Variants in PCDH15 observed in about 807,000 individuals in gnomAD.
The protein encoded by PCDH15 is protocadherin-15.
In PCDH15, 129 loss-of-function variants were observed where a neutral mutation model predicts 178.5. The ratio of observed to expected loss-of-function variants is 0.72; its 90% CI spans 0.63 to 0.84. The LOEUF (loss-of-function observed/expected upper bound fraction) is 0.84, where lower values mean the gene tolerates loss of function less well. PCDH15 is among the 40% of genes least tolerant of loss of function. PCDH15 has a pLI of 0.00. For synonymous variants in PCDH15, 800 were observed against 732.0 expected, an observed-to-expected ratio of 1.09 and a Z score of -1.50; for missense variants, 2,230 against 2,099.9, an observed-to-expected ratio of 1.06 and a Z score of -1.21.
At chr10:54,899,440 G>A (rs1048589736) in intron 2 of PCDH15, among the ~76,000 whole-genome samples, 1 of 151,448 alleles carries the variant, frequency 6.6e-6, no homozygotes, top group African/African-American at 2.4e-5. Flanking sequence ...TTTACTTCAT[G>A]ATCATGATTA....
At chr10:54,433,558 G>A (rs1293325165) in intron 3 of PCDH15, among the ~76,000 whole-genome samples, 1 of 152,140 alleles carries the variant, frequency 6.6e-6, no homozygotes, top group African/African-American at 2.4e-5. Context: ...TGGAAGGGTA[G>A]TTGGGGGTGG....
rs979720632 is a variant in PCDH15 at position 53,836,914 on chromosome 10, T to C, written c.3983+3406A>G. 2.6e-5 allele frequency among the ~76,000 whole-genome samples: 4 copies of C among 152,092 alleles called. No homozygotes were observed. The South Asian group carries it at 6.2e-4, about 24-fold the overall frequency. On this transcript the variant is annotated intron_variant, in intron 29 of 37. Coordinates refer to ENST00000644397, the MANE Select transcript of PCDH15 (RefSeq NM_001384140.1). ...TGCCTGAAGCGATGGAGAAATTCAG[T>C]AGAGTGGTGGAAATAAGAAATAATC... is the stretch of plus-strand genomic sequence containing the variant.
At chr10:55,337,865 A>G (rs1844438307) in intron 2 of PCDH15, among the ~76,000 whole-genome samples, 1 of 152,162 alleles carries the variant, frequency 6.6e-6, no homozygotes, top group Admixed American at 6.6e-5. Flanking sequence ...TTAACGAAAT[A>G]TAGAGACAAT....
intron 1 of PCDH15, among the ~76,000 whole-genome samples, chr10:55,288,010 T>A (rs1842914429): frequency 6.6e-6 from 1 of 151,224 alleles, no homozygotes; most frequent in Non-Finnish European, 1.5e-5. Context: ...AAATGCAAAT[T>A]AATTTATATA....
intron 1 of PCDH15, among the ~76,000 whole-genome samples, chr10:54,689,483 C>T (rs1220647367): frequency 3.9e-5 from 6 of 152,058 alleles, no homozygotes; most frequent in Admixed American, 2.6e-4. Context: ...TTACATTTTG[C>T]CTCTGACTAC....
chr10:55,010,396 A>G (rs1478776212), intron 2 of PCDH15, among the ~76,000 whole-genome samples: 1 of 152,128 alleles, frequency 6.6e-6, no homozygotes. Flanking sequence ...GATTTAAACA[A>G]TAGAGAAGCC....
intron 3 of PCDH15, among the ~76,000 whole-genome samples, chr10:54,863,877 A>C (rs2131784385): frequency 6.6e-6 from 1 of 152,300 alleles, no homozygotes; most frequent in South Asian, 2.1e-4. Context: ...ATAATTCCTT[A>C]GCTATAGTAA....
chr10:55,038,198 T>C (rs1247545209), intron 2 of PCDH15, among the ~76,000 whole-genome samples: 1 of 152,154 alleles, frequency 6.6e-6, no homozygotes, highest in Non-Finnish European at 1.5e-5. Flanking sequence ...AAAAAATAAC[T>C]AAACATTTAT....
intron 32 of PCDH15, chr10:53,821,103 C>G: frequency 1.0e-6 from 1 of 979,276 alleles, no homozygotes; most frequent in Non-Finnish European, 1.2e-6. Context: ...CAAAAGTCAA[C>G]GACTCAAGAT....
intron 2 of PCDH15, among the ~76,000 whole-genome samples, chr10:55,051,660 C>T (rs879562639): frequency 1.3e-5 from 2 of 152,070 alleles, no homozygotes; most frequent in African/African-American, 2.4e-5. Flanking sequence ...TTATAGCATA[C>T]AGAAACCGTA....
intron 1 of PCDH15, among the ~76,000 whole-genome samples, chr10:55,300,955 T>C (rs1843261066): frequency 6.6e-6 from 1 of 152,188 alleles, no homozygotes; most frequent in South Asian, 2.1e-4. Flanking sequence ...TGGTGCCCTT[T>C]TATAGTCACA....
chr10:55,396,637 C>A (rs140816119), intron 2 of PCDH15, among the ~76,000 whole-genome samples: 1 of 152,248 alleles, frequency 6.6e-6, no homozygotes, highest in Non-Finnish European at 1.5e-5. Flanking sequence ...ATGTGAGCTG[C>A]TTTTCAAAAC....
chr10:54,656,046 T>C (rs2094399969), intron 2 of PCDH15: 2 of 152,174 alleles, frequency 1.3e-5, no homozygotes, highest in African/African-American at 4.8e-5. Flanking sequence ...GATTTTGCCA[T>C]CTAACGAAAA....
intron 13 of PCDH15, among the ~76,000 whole-genome samples, chr10:54,178,806 CAT>C (rs1224188574): frequency 3.3e-5 from 5 of 152,082 alleles, no homozygotes; most frequent in Admixed American, 6.6e-5. Context: ...AGCCAAAAAA[CAT>C]GTGAAAAAAT....
At chr10:54,044,533 A>T (rs2093619344) in intron 18 of PCDH15, among the ~76,000 whole-genome samples, 1 of 152,068 alleles carries the variant, frequency 6.6e-6, no homozygotes, top group Non-Finnish European at 1.5e-5. Flanking sequence ...GTTGCTATGA[A>T]ACTTGTGTTC....
chr10:54,763,793 T>TATATATATATA (rs1328851546), intron 1 of PCDH15, among the ~76,000 whole-genome samples: 22 of 148,332 alleles, frequency 1.5e-4, no homozygotes, highest in Non-Finnish European at 2.7e-4. Context: ...TATATAAATA[T>TATATATATATA]GTACAACTCT....
At chr10:55,138,514 C>T (rs1838264563) in intron 2 of PCDH15, among the ~76,000 whole-genome samples, 2 of 152,170 alleles carry the variant, frequency 1.3e-5, no homozygotes, top group Non-Finnish European at 2.9e-5. Flanking sequence ...ATGTTGTGTC[C>T]TGTAGGAGCT....
chr10:55,230,658 GT>G (rs1393755086), intron 1 of PCDH15, among the ~76,000 whole-genome samples: 2 of 152,038 alleles, frequency 1.3e-5, no homozygotes, highest in African/African-American at 4.8e-5. Flanking sequence ...TGTTACTTCT[GT>G]CTAGGAGAAT....
intron 11 of PCDH15, among the ~76,000 whole-genome samples, chr10:54,191,973 GGGAA>G (rs1298480054): frequency 2.2e-5 from 3 of 135,324 alleles, no homozygotes; most frequent in Non-Finnish European, 4.7e-5. Flanking sequence ...GGAGAAGGAG[GGGAA>G]GGAAGGGACG....
Sources: allele counts gnomAD v4.1 joint callset (sites outside exome capture counted in the v4.1 genomes callset), GRCh38; gene constraint gnomAD v4.1.1; transcripts MANE v1.5; gene names NCBI Gene and HGNC (gene_info 2026-07-23, HGNC 2026-07-21).